Variants in CDK14 observed in about 807,000 individuals in gnomAD.
CDK14 encodes cyclin-dependent kinase 14.
CDK14 carries 34 observed loss-of-function variants against 60.7 expected under a neutral mutation model. The observed-to-expected ratio is 0.56, with a 90% CI of 0.43 to 0.75. The LOEUF (loss-of-function observed/expected upper bound fraction) is 0.75. Ranked by LOEUF, CDK14 falls within the 30% of genes least tolerant of loss-of-function variation. CDK14 has a pLI of 0.00. For synonymous variants in CDK14, 197 were observed against 203.7 expected, an observed-to-expected ratio of 0.97 and a Z score of 0.28; for missense variants, 482 against 564.1, an observed-to-expected ratio of 0.85 and a Z score of 1.47.
chr7:91,135,358 A>G (rs1010643456), intron 14 of CDK14, among the ~76,000 whole-genome samples: 1 of 152,198 alleles, frequency 6.6e-6, no homozygotes, highest in Admixed American at 6.5e-5. Context: ...ATAGTTAATT[A>G]CAAGTAAATG....
chr7:90,845,459 T>G, intron 5 of CDK14, among the ~76,000 whole-genome samples: 1 of 152,132 alleles, frequency 6.6e-6, no homozygotes, highest in Middle Eastern at 3.4e-3. Flanking sequence ...ATTAAGTCCC[T>G]TATTTGAACT....
At chr7:90,998,105 C>T (rs1795737576) in intron 10 of CDK14, among the ~76,000 whole-genome samples, 1 of 151,942 alleles carries the variant, frequency 6.6e-6, no homozygotes. Flanking sequence ...CCTAATATAC[C>T]ATCATGTCAA....
At chr7:91,034,569 C>T (rs903529296) in intron 10 of CDK14, among the ~76,000 whole-genome samples, 4 of 152,072 alleles carry the variant, frequency 2.6e-5, no homozygotes, top group African/African-American at 9.7e-5. Context: ...TGGAAACACC[C>T]TCTCCTTCAA....
intron 12 of CDK14, among the ~76,000 whole-genome samples, chr7:91,096,088 A>AC (rs61464156): frequency 4.6e-5 from 7 of 150,574 alleles, no homozygotes; most frequent in Admixed American, 2.0e-4. Flanking sequence ...AAAAAAAAAA[A>AC]CAGTTATCTT....
intron 5 of CDK14, among the ~76,000 whole-genome samples, chr7:90,809,880 T>TA (rs1054949420): frequency 1.3e-5 from 2 of 152,092 alleles, no homozygotes; most frequent in African/African-American, 4.8e-5. Context: ...AGGAAATGGA[T>TA]AAATTCCTGG....
At chr7:90,729,292 T>A (rs1027190615) in intron 3 of CDK14, among the ~76,000 whole-genome samples, 13 of 150,864 alleles carry the variant, frequency 8.6e-5, no homozygotes, top group African/African-American at 3.2e-4. Flanking sequence ...TTCTGAAGTA[T>A]GAATTGACTT....
intron 14 of CDK14, among the ~76,000 whole-genome samples, chr7:91,142,988 G>A (rs73213022): frequency 5.3e-5 from 8 of 152,084 alleles, no homozygotes; most frequent in Admixed American, 3.9e-4. Flanking sequence ...CATAAGATAC[G>A]GATGATTCAC....
At chr7:91,067,776 T>C (rs1294569671) in intron 11 of CDK14, among the ~76,000 whole-genome samples, 4 of 152,198 alleles carry the variant, frequency 2.6e-5, no homozygotes, top group African/African-American at 9.6e-5. Context: ...TGGAAAAAAA[T>C]TATATTAGCA....
intron 14 of CDK14, among the ~76,000 whole-genome samples, chr7:91,153,265 G>GTTC (rs1800874769): frequency 6.6e-6 from 1 of 152,180 alleles, no homozygotes. Flanking sequence ...TTATGGAAAA[G>GTTC]AAGGAATGCT....
chr7:91,010,801 T>TTTCCTTCCTTCCTTCC (rs1253624022), intron 10 of CDK14, among the ~76,000 whole-genome samples: 56 of 86,188 alleles, frequency 6.5e-4, no homozygotes, highest in Admixed American at 1.0e-3. Flanking sequence ...TCCTTCCTTC[T>TTTCCTTCCTTCCTTCC]TTCCTTCCTT....
rs142616040 is a variant in CDK14 at position 90,974,744 on chromosome 7, A to G, written c.948-9404A>G. On this transcript the variant is annotated intron_variant, in intron 9 of 14. Transcript: ENST00000380050. Reference sequence around the variant, plus strand: ...AAATTGACTGAGTATAGTCCCTTGAAAATATGCATCAAATGCAGATTTTTT... The same window carrying G: ...AAATTGACTGAGTATAGTCCCTTGAGAATATGCATCAAATGCAGATTTTTT... Among the ~76,000 whole-genome samples the G allele has an allele frequency of 3.3e-4, 50 of 152,270 alleles. No individual in the cohort carries two copies. In the East Asian group the frequency reaches 9.5e-3, roughly 29 times the overall value.
intron 4 of CDK14, among the ~76,000 whole-genome samples, chr7:90,758,313 G>A (rs987716122): frequency 2.0e-5 from 3 of 151,894 alleles, no homozygotes; most frequent in African/African-American, 7.3e-5. Flanking sequence ...TAGATGGGGG[G>A]TGGCAGTTAT....
intron 2 of CDK14, among the ~76,000 whole-genome samples, chr7:90,716,026 C>G (rs1802238447): frequency 6.6e-6 from 1 of 151,920 alleles, no homozygotes; most frequent in African/African-American, 2.4e-5. Flanking sequence ...ACTCCTGACT[C>G]TGTCTTTTTT....
At chr7:90,959,052 C>T (rs111917274) in intron 9 of CDK14, among the ~76,000 whole-genome samples, 4,687 of 152,110 alleles carry the variant, frequency 0.031, 125 homozygotes, top group Non-Finnish European at 0.041. Flanking sequence ...TTTTCTTCCT[C>T]GTGTGTGTGT....
chr7:90,719,283 C>T (rs1202948207), intron 2 of CDK14, among the ~76,000 whole-genome samples: 1 of 152,092 alleles, frequency 6.6e-6, no homozygotes, highest in Non-Finnish European at 1.5e-5. Flanking sequence ...AATTCTTTTC[C>T]AGTGTCTGCC....
intron 2 of CDK14, among the ~76,000 whole-genome samples, chr7:90,626,650 G>A (rs1228093843): frequency 6.6e-6 from 1 of 152,146 alleles, no homozygotes; most frequent in South Asian, 2.1e-4. Context: ...CGTTAAAAAC[G>A]TAAAAGAAGC....
intron 9 of CDK14, among the ~76,000 whole-genome samples, chr7:90,960,132 A>C (rs1794557951): frequency 6.6e-6 from 1 of 152,144 alleles, no homozygotes; most frequent in African/African-American, 2.4e-5. Flanking sequence ...ATTGTTCCAA[A>C]TAAGCTTTAT....
chr7:91,024,307 C>T (rs543019415), intron 10 of CDK14, among the ~76,000 whole-genome samples: 8 of 152,262 alleles, frequency 5.3e-5, no homozygotes, highest in Admixed American at 2.0e-4. Context: ...AACTGACTCA[C>T]GGGGAAGTTA....
intron 11 of CDK14, among the ~76,000 whole-genome samples, chr7:91,059,711 G>A (rs974667209): frequency 1.1e-4 from 16 of 152,260 alleles, no homozygotes; most frequent in Admixed American, 3.3e-4. Flanking sequence ...GTAGTTGAGC[G>A]GTTTTGAGTG....
Sources: allele counts gnomAD v4.1 joint callset (sites outside exome capture counted in the v4.1 genomes callset), GRCh38; gene constraint gnomAD v4.1.1; transcripts MANE v1.5; gene names NCBI Gene and HGNC (gene_info 2026-07-23, HGNC 2026-07-21).